CSTPP1: variants seen among roughly 807,000 people sequenced by gnomAD.
CSTPP1 encodes centriolar satellite-associated tubulin polyglutamylase complex regulator 1.
At chr11:47,010,518 C>T in the CSTPP1 span, among the ~76,000 whole-genome samples, 2 of 152,124 alleles carry the variant, frequency 1.3e-5, no homozygotes, top group African/African-American at 4.8e-5. Flanking sequence ...TCCTTTGATT[C>T]CTGTCTGTTT....
the CSTPP1 span, chr11:47,137,296 G>C: frequency 1.5e-6 from 2 of 1,331,216 alleles, no homozygotes; most frequent in South Asian, 2.5e-5. Flanking sequence ...AACCGGCTTT[G>C]AAATGACTTG....
the CSTPP1 span, among the ~76,000 whole-genome samples, chr11:47,068,347 CA>C: frequency 6.6e-6 from 1 of 152,074 alleles, no homozygotes; most frequent in Non-Finnish European, 1.5e-5. Flanking sequence ...ACCTGGCCAA[CA>C]TGGTGAAACC....
chr11:46,974,690 C>G, the CSTPP1 span, among the ~76,000 whole-genome samples: 2 of 151,200 alleles, frequency 1.3e-5, no homozygotes, highest in African/African-American at 2.4e-5. Flanking sequence ...AAAAACAAAA[C>G]AAAACAAAAC....
the CSTPP1 span, among the ~76,000 whole-genome samples, chr11:47,037,046 G>A: frequency 2.4e-5 from 3 of 127,006 alleles, 1 homozygote; most frequent in South Asian, 7.5e-4. Context: ...AGTAGGGAAA[G>A]AACAAGATGA....
the CSTPP1 span, among the ~76,000 whole-genome samples, chr11:47,039,109 G>A: frequency 7.8e-6 from 1 of 127,514 alleles, no homozygotes; most frequent in Non-Finnish European, 1.9e-5. Flanking sequence ...GTGGCGGCCG[G>A]GCAGAGGCTG....
chr11:47,157,269 T>G, the CSTPP1 span: 15 of 1,510,266 alleles, frequency 9.9e-6, no homozygotes, highest in Admixed American at 2.2e-5. Context: ...GGGGTCGGAC[T>G]GCTGGCTGCG....
the CSTPP1 span, among the ~76,000 whole-genome samples, chr11:46,951,258 G>T: frequency 6.7e-6 from 1 of 149,468 alleles, no homozygotes; most frequent in African/African-American, 2.5e-5. Flanking sequence ...AAATTCAGTA[G>T]AAAATTCTAC....
At chr11:46,936,788 A>G in the CSTPP1 span, 2 of 1,610,350 alleles carry the variant, frequency 1.2e-6, no homozygotes, top group East Asian at 2.3e-5. Flanking sequence ...GGAGCTTTGA[A>G]GCCACCCCGG....
At chr11:46,948,880 A>G in the CSTPP1 span, among the ~76,000 whole-genome samples, 1,413 of 152,304 alleles carry the variant, frequency 9.3e-3, 12 homozygotes, top group Non-Finnish European at 0.016. Flanking sequence ...AGAGAAAACT[A>G]GAAGCTCCAC....
chr11:46,972,589 A>G, the CSTPP1 span, among the ~76,000 whole-genome samples: 1 of 152,166 alleles, frequency 6.6e-6, no homozygotes, highest in Non-Finnish European at 1.5e-5. Flanking sequence ...ATCTGACCTA[A>G]GCTGTCCAAA....
chr11:47,133,313 G>A, the CSTPP1 span, among the ~76,000 whole-genome samples: 185 of 152,358 alleles, frequency 1.2e-3, no homozygotes, highest in Non-Finnish European at 2.3e-3. Flanking sequence ...ACACAAATTT[G>A]TGGAGAGTGT....
At chr11:47,074,981 C>T in the CSTPP1 span, among the ~76,000 whole-genome samples, 1 of 152,124 alleles carries the variant, frequency 6.6e-6, no homozygotes, top group Non-Finnish European at 1.5e-5. Flanking sequence ...TTCACAGTCT[C>T]GTCTGAAAGA....
the CSTPP1 span, among the ~76,000 whole-genome samples, chr11:46,977,482 T>C: frequency 2.0e-5 from 3 of 152,356 alleles, no homozygotes; most frequent in Admixed American, 1.3e-4. Flanking sequence ...ATTTTCTATA[T>C]CTTTTTCTTT....
At chr11:47,119,669 T>C in the CSTPP1 span, among the ~76,000 whole-genome samples, 1 of 131,158 alleles carries the variant, frequency 7.6e-6, no homozygotes, top group East Asian at 2.2e-4. Context: ...TGGAGTGCAA[T>C]GGTGCGAGCT....
the CSTPP1 span, chr11:46,987,903 A>G: frequency 6.5e-6 from 1 of 152,922 alleles, no homozygotes; most frequent in Non-Finnish European, 1.5e-5. Flanking sequence ...TGGACAAAAG[A>G]TGTGCATAGA....
the CSTPP1 span, among the ~76,000 whole-genome samples, chr11:47,015,974 G>A: frequency 6.6e-6 from 1 of 152,104 alleles, no homozygotes; most frequent in South Asian, 2.1e-4. Flanking sequence ...AATCAAGACT[G>A]TTCATGCTGT....
At chr11:47,109,591 G>A in the CSTPP1 span, among the ~76,000 whole-genome samples, 1 of 152,208 alleles carries the variant, frequency 6.6e-6, no homozygotes, top group East Asian at 1.9e-4. Context: ...CTGTCAGTCG[G>A]TGACTTGAAA....
At chr11:47,091,023 A>G in the CSTPP1 span, among the ~76,000 whole-genome samples, 1 of 135,444 alleles carries the variant, frequency 7.4e-6, no homozygotes, top group African/African-American at 2.8e-5. Context: ...CGGGCAACAG[A>G]GCGAGACAGC....
chr11:47,141,474 G>A, the CSTPP1 span, among the ~76,000 whole-genome samples: 3 of 152,056 alleles, frequency 2.0e-5, no homozygotes, highest in African/African-American at 7.2e-5. Flanking sequence ...AGGCGTGGTG[G>A]TGTGCGTCTG....
Sources: allele counts gnomAD v4.1 joint callset (sites outside exome capture counted in the v4.1 genomes callset), GRCh38; gene constraint gnomAD v4.1.1; transcripts MANE v1.5; gene names NCBI Gene and HGNC (gene_info 2026-07-23, HGNC 2026-07-21).